Variants in THSD7B observed in about 807,000 individuals in gnomAD.
THSD7B encodes thrombospondin type 1 domain containing 7B.
A neutral mutation model predicts 213.6 loss-of-function variants in THSD7B; 138 were observed. That is an observed-to-expected ratio of 0.65 (90% CI 0.56 to 0.74). The LOEUF is 0.74. THSD7B is among the 30% of genes least tolerant of loss of function. THSD7B has a pLI of 0.00. For synonymous variants in THSD7B, 742 were observed against 687.0 expected (o/e 1.08, Z -1.25); for missense variants, 1,931 against 1,991.5 (o/e 0.97, Z 0.58).
intron 7 of THSD7B, among the ~76,000 whole-genome samples, chr2:137,228,746 C>T (rs1034045569): frequency 2.0e-5 from 3 of 152,136 alleles, no homozygotes; most frequent in African/African-American, 4.8e-5. Flanking sequence ...GTTTGAATCA[C>T]GCAGTTGCAA....
At chr2:137,454,510 A>G (rs1687723820) in intron 15 of THSD7B, among the ~76,000 whole-genome samples, 2 of 151,456 alleles carry the variant, frequency 1.3e-5, no homozygotes, top group African/African-American at 4.9e-5. Context: ...TTGTGGAAAG[A>G]TCTCTGTGGT....
chr2:137,547,911 A>G (rs1415014293), intron 15 of THSD7B, among the ~76,000 whole-genome samples: 2 of 151,974 alleles, frequency 1.3e-5, no homozygotes, highest in Non-Finnish European at 2.9e-5. Flanking sequence ...GGCATTTCTT[A>G]CCAGTTATGG....
intron 10 of THSD7B, among the ~76,000 whole-genome samples, chr2:137,246,970 C>A (rs961401112): frequency 3.9e-5 from 6 of 152,008 alleles, no homozygotes; most frequent in Non-Finnish European, 8.8e-5. Context: ...AGGATATCTG[C>A]GATAAATTCT....
chr2:137,559,894 G>A (rs573657548), intron 15 of THSD7B, among the ~76,000 whole-genome samples: 2 of 152,212 alleles, frequency 1.3e-5, no homozygotes, highest in Admixed American at 1.3e-4. Flanking sequence ...TCAACAAGTG[G>A]GTGAAGGATA....
intron 7 of THSD7B, among the ~76,000 whole-genome samples, chr2:137,227,100 A>G (rs1002097569): frequency 2.6e-5 from 4 of 152,288 alleles, no homozygotes; most frequent in Middle Eastern, 3.4e-3. Context: ...CTCAATGCGT[A>G]TGGGGCTTTA....
intron 12 of THSD7B, among the ~76,000 whole-genome samples, chr2:137,345,036 T>C (rs1684845950): frequency 6.6e-6 from 1 of 151,690 alleles, no homozygotes; most frequent in African/African-American, 2.4e-5. Flanking sequence ...TCCCTTCTTC[T>C]GAAAACAGGC....
intron 2 of THSD7B, among the ~76,000 whole-genome samples, chr2:136,910,959 C>T (rs1485130304): frequency 1.3e-5 from 2 of 151,896 alleles, no homozygotes; most frequent in African/African-American, 4.8e-5. Context: ...GTAATATTTA[C>T]AATTCACTAA....
intron 15 of THSD7B, among the ~76,000 whole-genome samples, chr2:137,549,308 CTCTTT>C (rs368115131): frequency 0.34 from 32,778 of 96,708 alleles, 5,297 homozygotes; most frequent in South Asian, 0.56. Context: ...TTTTCAGATG[CTCTTT>C]TTTTTTTTTT....
chr2:137,471,440 T>C (rs1408322382), intron 15 of THSD7B, among the ~76,000 whole-genome samples: 3 of 152,096 alleles, frequency 2.0e-5, no homozygotes, highest in African/African-American at 7.2e-5. Context: ...TTTGTGATCC[T>C]CAAAGTTCTG....
intron 17 of THSD7B, among the ~76,000 whole-genome samples, chr2:137,574,112 T>C (rs147923486): frequency 1.5e-4 from 23 of 152,208 alleles, no homozygotes; most frequent in Middle Eastern, 6.8e-3. Flanking sequence ...CTTTTGTTTT[T>C]CTAATTTACT....
intron 17 of THSD7B, among the ~76,000 whole-genome samples, chr2:137,604,386 C>A (rs1268985178): frequency 6.6e-6 from 1 of 152,110 alleles, no homozygotes. Context: ...TTAAACTACT[C>A]TATAGCAGCA....
chr2:137,469,628 G>A (rs1688055319), intron 15 of THSD7B, among the ~76,000 whole-genome samples: 1 of 152,176 alleles, frequency 6.6e-6, no homozygotes, highest in African/African-American at 2.4e-5. Context: ...AAATTGATAT[G>A]CAAAAGTATA....
intron 2 of THSD7B, among the ~76,000 whole-genome samples, chr2:137,038,921 C>A (rs1437905065): frequency 6.6e-6 from 1 of 151,068 alleles, no homozygotes; most frequent in East Asian, 2.0e-4. Context: ...CAGGCTGATT[C>A]CAAAGTCTAG....
intron 1 of THSD7B, among the ~76,000 whole-genome samples, chr2:136,799,237 C>T (rs1411962198): frequency 6.6e-6 from 1 of 151,796 alleles, no homozygotes; most frequent in Non-Finnish European, 1.5e-5. Flanking sequence ...TATTGCCCTC[C>T]ACTGTAATAA....
intron 20 of THSD7B, among the ~76,000 whole-genome samples, chr2:137,626,483 AAAAG>A (rs957406349): frequency 4.7e-5 from 7 of 148,596 alleles, no homozygotes; most frequent in African/African-American, 1.8e-4. Context: ...AAAAAAAAGA[AAAAG>A]AAAAAGAAAA....
At chr2:137,039,480 C>T (rs1413111690) in intron 2 of THSD7B, among the ~76,000 whole-genome samples, 1 of 152,146 alleles carries the variant, frequency 6.6e-6, no homozygotes, top group Non-Finnish European at 1.5e-5. Flanking sequence ...AAACATCCTG[C>T]AATGCACAGG....
intron 2 of THSD7B, among the ~76,000 whole-genome samples, chr2:136,914,803 A>G (rs993771204): frequency 3.9e-5 from 6 of 152,150 alleles, no homozygotes; most frequent in African/African-American, 1.4e-4. Flanking sequence ...TATCAGCAGC[A>G]TGAAAACGGA....
intron 7 of THSD7B, among the ~76,000 whole-genome samples, chr2:137,216,535 T>C (rs1681246992): frequency 6.6e-6 from 1 of 152,028 alleles, no homozygotes; most frequent in Non-Finnish European, 1.5e-5. Flanking sequence ...GCTGAAATTA[T>C]AGGGATCCTG....
intron 12 of THSD7B, among the ~76,000 whole-genome samples, chr2:137,361,690 G>A (rs1296763212): frequency 4.6e-5 from 7 of 152,094 alleles, no homozygotes; most frequent in East Asian, 1.9e-4. Context: ...AGTAAAAACA[G>A]TAAAAATAAA....
Sources: gnomAD v4.1 joint callset for allele counts (sites outside exome capture counted in the v4.1 genomes callset) on GRCh38, gnomAD v4.1.1 for gene constraint, MANE v1.5 for transcripts, NCBI Gene and HGNC (gene_info 2026-07-23, HGNC 2026-07-21) for gene names.